The following KCNJ1 variants were observed in gnomAD, a reference collection of about 807,000 sequenced individuals.
KCNJ1 encodes ATP-sensitive inward rectifier potassium channel 1.
In KCNJ1, 24 loss-of-function variants were observed where a neutral mutation model predicts 21.9. That is an observed-to-expected ratio of 1.10 (90% CI 0.79 to 1.54). The LOEUF (loss-of-function observed/expected upper bound fraction) is 1.54, where lower values mean the gene tolerates loss of function less well. KCNJ1 is among the 40% of genes most tolerant of loss of function. The pLI, the probability that KCNJ1 is intolerant of heterozygous loss-of-function variation, is 0.00. For synonymous variants in KCNJ1, 152 were observed against 160.9 expected, an observed-to-expected ratio of 0.94 and a Z score of 0.42; for missense variants, 457 against 455.4, an observed-to-expected ratio of 1.00 and a Z score of -0.03.
intron 2 of KCNJ1, chr11:128,842,353 GA>G: frequency 6.2e-7 from 1 of 1,613,094 alleles, no homozygotes; most frequent in Non-Finnish European, 8.5e-7. Flanking sequence ...TGGCTTTCCA[GA>G]GAGGTGATTT....
Position 128,839,551 on chromosome 11 carries a change from G to A in KCNJ1, c.693C>T (p.Asn231=). The A allele has an allele frequency of 1.2e-6, 2 of 1,614,180 alleles. No individual in the cohort carries two copies. Among genetic ancestry groups the A allele is most frequent in the East Asian group, 4.5e-5 (2 of 44,882 alleles). The part of the protein sequence containing the change: ...ETIILDQINI[N]FVVDAGNENL... ...TTTCATTCCCAGCGTCAACTACAAAGTTGATATTGATCTGGTCCAAAATAA... is the reference window on the plus strand; with the variant it reads ...TTTCATTCCCAGCGTCAACTACAAAATTGATATTGATCTGGTCCAAAATAA... Residue 231 remains asparagine, a synonymous_variant, in exon 3 of 3, where the codon AAC becomes AAT. Coordinates refer to ENST00000392666, the MANE Select transcript of KCNJ1 (RefSeq NM_153766.3).
At chr11:128,854,980 C>T (rs753831220) in intron 1 of KCNJ1, among the ~76,000 whole-genome samples, 3 of 152,158 alleles carry the variant, frequency 2.0e-5, no homozygotes, top group Non-Finnish European at 2.9e-5. Context: ...CCTTGAAACA[C>T]GTATCTGGAG....
intron 1 of KCNJ1, among the ~76,000 whole-genome samples, chr11:128,862,144 T>C (rs895596313): frequency 1.3e-5 from 2 of 152,208 alleles, no homozygotes; most frequent in Non-Finnish European, 2.9e-5. Flanking sequence ...GGCAACTTTG[T>C]AGAAATCCAA....
intron 2 of KCNJ1, chr11:128,842,283 T>G (rs985408096): frequency 2.3e-6 from 3 of 1,295,722 alleles, no homozygotes; most frequent in Non-Finnish European, 3.3e-6. Context: ...TACCCCCTGA[T>G]TGATCACTTG....
intron 1 of KCNJ1, among the ~76,000 whole-genome samples, chr11:128,864,344 G>T (rs1490711356): frequency 1.3e-5 from 2 of 152,030 alleles, no homozygotes; most frequent in East Asian, 3.9e-4. Flanking sequence ...CACCAAAAGT[G>T]CTGGGATTAC....
chr11:128,851,277 C>T (rs1943474519), intron 1 of KCNJ1, among the ~76,000 whole-genome samples: 1 of 152,166 alleles, frequency 6.6e-6, no homozygotes, highest in South Asian at 2.1e-4. Flanking sequence ...TCACTGTATA[C>T]TCTCAAAAGA....
chr11:128,863,904 C>A (rs1175558964), intron 1 of KCNJ1, among the ~76,000 whole-genome samples: 1 of 151,956 alleles, frequency 6.6e-6, no homozygotes, highest in South Asian at 2.1e-4. Flanking sequence ...CAGATTCTGA[C>A]GAGGCAATGG....
intron 2 of KCNJ1, among the ~76,000 whole-genome samples, chr11:128,841,429 T>C (rs1240350524): frequency 6.6e-6 from 1 of 152,148 alleles, no homozygotes; most frequent in Admixed American, 6.5e-5. Flanking sequence ...GTGACTTCCA[T>C]TGTACAGCAA....
chr11:128,840,387 T>TA, intron 2 of KCNJ1, 123 bp from the exon 3 acceptor site: 1 of 945,556 alleles, frequency 1.1e-6, no homozygotes, highest in Admixed American at 2.1e-5. Flanking sequence ...ACTAATCATT[T>TA]GGCAAGCTGA....
At chr11:128,841,639 G>A (rs775909880) in intron 2 of KCNJ1, among the ~76,000 whole-genome samples, 9 of 152,204 alleles carry the variant, frequency 5.9e-5, no homozygotes, top group Admixed American at 1.3e-4. Flanking sequence ...GTGTTTATTC[G>A]TAAGAACTAG....
intron 1 of KCNJ1, among the ~76,000 whole-genome samples, chr11:128,855,642 T>C (rs765106882): frequency 1.3e-5 from 2 of 152,226 alleles, no homozygotes; most frequent in African/African-American, 2.4e-5. Context: ...AGTGAGTTAT[T>C]TGGCTTCTCT....
At chr11:128,858,767 G>A (rs894639098) in intron 1 of KCNJ1, among the ~76,000 whole-genome samples, 3 of 152,228 alleles carry the variant, frequency 2.0e-5, no homozygotes, top group South Asian at 2.1e-4. Context: ...TCAAACACCA[G>A]AGAGGCTAAG....
chr11:128,840,394 C>G lies in KCNJ1; in HGVS notation c.-21-130G>C, dbSNP rs540325420. ...TCTGGGTTACTAATCATTTGGCAAGCTGACAAGTTTATTCTGGATACCACA... is the reference window on the plus strand; with the variant it reads ...TCTGGGTTACTAATCATTTGGCAAGGTGACAAGTTTATTCTGGATACCACA... On this transcript the variant is annotated intron_variant, in intron 2 of 2. Coordinates refer to ENST00000392666, the MANE Select transcript of KCNJ1 (RefSeq NM_153766.3). The G allele has an allele frequency of 3.4e-6, 3 of 883,842 alleles. No homozygotes were observed. In the Admixed American group the frequency reaches 6.3e-5, roughly 19 times the overall value. 54.7% of individuals were successfully genotyped at this position (883,842 alleles called of 1,614,324 possible). A position where few individuals can be genotyped will look rare whatever the true frequency, so the allele number is the denominator to read the frequency against.
chr11:128,843,075 G>A (rs1223998367), intron 2 of KCNJ1, among the ~76,000 whole-genome samples: 1 of 152,208 alleles, frequency 6.6e-6, no homozygotes, highest in Non-Finnish European at 1.5e-5. Flanking sequence ...TTTTTTACAT[G>A]CACTGGGTTA....
At chr11:128,864,879 T>C (rs927425681) in intron 1 of KCNJ1, among the ~76,000 whole-genome samples, 2 of 152,158 alleles carry the variant, frequency 1.3e-5, no homozygotes, top group African/African-American at 4.8e-5. Context: ...CTTACCCTAC[T>C]CTAGTCCACC....
intron 1 of KCNJ1, among the ~76,000 whole-genome samples, chr11:128,863,372 G>A (rs1231271593): frequency 6.6e-6 from 1 of 152,198 alleles, no homozygotes; most frequent in Non-Finnish European, 1.5e-5. Context: ...TCCCTTAGAA[G>A]CATCAGTGAG....
At chr11:128,851,429 T>C (rs964414364) in intron 1 of KCNJ1, among the ~76,000 whole-genome samples, 1 of 152,268 alleles carries the variant, frequency 6.6e-6, no homozygotes, top group African/African-American at 2.4e-5. Flanking sequence ...TCCACTTGTT[T>C]ATCCTGTGTG....
intron 2 of KCNJ1, among the ~76,000 whole-genome samples, chr11:128,841,932 A>G (rs1186309535): frequency 6.6e-6 from 1 of 152,150 alleles, no homozygotes; most frequent in East Asian, 1.9e-4. Context: ...GGATTAGGGG[A>G]TGGTGCATGT....
chr11:128,845,055 A>C (rs1039218924), intron 2 of KCNJ1, among the ~76,000 whole-genome samples: 2 of 152,224 alleles, frequency 1.3e-5, no homozygotes, highest in African/African-American at 2.4e-5. Flanking sequence ...TCTATGAAAA[A>C]ATTACTGCTT....
Sources: allele counts gnomAD v4.1 joint callset (sites outside exome capture counted in the v4.1 genomes callset), GRCh38; gene constraint gnomAD v4.1.1; transcripts MANE v1.5; gene names NCBI Gene and HGNC (gene_info 2026-07-23, HGNC 2026-07-21).